Variants in RFPL1 observed in about 807,000 individuals in gnomAD.
The protein encoded by RFPL1 is ret finger protein like 1.
RFPL1 carries 6 observed loss-of-function variants against 9.6 expected under a neutral mutation model. That is an observed-to-expected ratio of 0.62 (90% confidence interval 0.34 to 1.23). The LOEUF (loss-of-function observed/expected upper bound fraction) is 1.23. RFPL1 is among the 50% of genes most tolerant of loss of function. RFPL1 has a pLI of 0.03. For synonymous variants in RFPL1, 145 were observed against 149.4 expected (o/e 0.97, Z 0.22); for missense variants, 352 against 398.4 (o/e 0.88, Z 0.99).
chr22:29,410,582 T>G, the RFPL1 span, among the ~76,000 whole-genome samples: 1 of 134,192 alleles, frequency 7.5e-6, no homozygotes, highest in Non-Finnish European at 1.6e-5. Flanking sequence ...TGTAGATATA[T>G]CTATCTATAT....
chr22:29,406,705 A>C, the RFPL1 span, among the ~76,000 whole-genome samples: 1 of 152,232 alleles, frequency 6.6e-6, no homozygotes. Context: ...ATAAGTTTTT[A>C]CTAATTTCTC....
the RFPL1 span, among the ~76,000 whole-genome samples, chr22:29,411,869 T>C: frequency 6.6e-6 from 1 of 152,112 alleles, no homozygotes; most frequent in Non-Finnish European, 1.5e-5. Context: ...TGAGGCTATT[T>C]TCTTATGTTT....
At chr22:29,397,690 C>T in the RFPL1 span, among the ~76,000 whole-genome samples, 2 of 152,174 alleles carry the variant, frequency 1.3e-5, no homozygotes, top group Admixed American at 6.5e-5. Context: ...TGTTAACCCC[C>T]ATTCTCCTAT....
chr22:29,392,840 TGAGA>T, the RFPL1 span, among the ~76,000 whole-genome samples: 1 of 152,210 alleles, frequency 6.6e-6, no homozygotes, highest in African/African-American at 2.4e-5. Flanking sequence ...ACTTCAACCC[TGAGA>T]ACTTAAATAG....
the RFPL1 span, among the ~76,000 whole-genome samples, chr22:29,422,327 C>T: frequency 6.6e-6 from 1 of 152,146 alleles, no homozygotes; most frequent in African/African-American, 2.4e-5. Flanking sequence ...ACCTGTAATC[C>T]TAGCACTTTG....
chr22:29,419,706 G>A, the RFPL1 span, among the ~76,000 whole-genome samples: 1 of 151,718 alleles, frequency 6.6e-6, no homozygotes, highest in Non-Finnish European at 1.5e-5. Context: ...GGGAGGCTGA[G>A]GCTGGAGGAT....
At chr22:29,390,078 G>A in the RFPL1 span, among the ~76,000 whole-genome samples, 1 of 152,198 alleles carries the variant, frequency 6.6e-6, no homozygotes, top group South Asian at 2.1e-4. Context: ...GGGATTATAG[G>A]CGTGAGCCAC....
the RFPL1 span, among the ~76,000 whole-genome samples, chr22:29,426,680 G>A: frequency 2.6e-5 from 4 of 152,316 alleles, no homozygotes; most frequent in East Asian, 1.9e-4. Flanking sequence ...ACCCGGAGGC[G>A]GAGATTGCGG....
chr22:29,397,832 C>T, the RFPL1 span, among the ~76,000 whole-genome samples: 1 of 152,150 alleles, frequency 6.6e-6, no homozygotes, highest in African/African-American at 2.4e-5. Context: ...TGGGGCTGAG[C>T]TGGACTTCAT....
Position 29,442,015 on chromosome 22 carries a change from T to C in RFPL1, c.847T>C (p.Phe283Leu), listed in dbSNP as rs1206455885. 3.1e-6 allele frequency: 5 copies of C among 1,614,128 alleles called. No individual in the cohort carries two copies. Among genetic ancestry groups the C allele is most frequent in the Admixed American group, 3.3e-5 (2 of 60,016 alleles). ...TGCTGAGGAGCCACTGCACTTGTTT[T>C]TTGCTCCTCCAAGTCCACCTAATGG... Residue 283 changes from phenylalanine to leucine, a missense_variant, in exon 2 of 2, where the codon TTT becomes CTT. Physicochemically the swap from Phe to Leu is conservative, Grantham distance 22. Transcript: ENST00000354373.
chr22:29,433,946 A>C (rs746596091), upstream of RFPL1, among the ~76,000 whole-genome samples: 2 of 152,154 alleles, frequency 1.3e-5, no homozygotes, highest in Non-Finnish European at 1.5e-5. Flanking sequence ...TATAAAATGC[A>C]AATTCTCCTT....
exon 1 of RFPL1, chr22:29,438,713 G>A: frequency 1.3e-6 from 2 of 1,560,176 alleles, no homozygotes; most frequent in Non-Finnish European, 1.7e-6. Context: ...GAAGACGGGG[G>A]GTGGGGGGAT....
the RFPL1 span, among the ~76,000 whole-genome samples, chr22:29,414,959 T>C: frequency 6.6e-6 from 1 of 152,090 alleles, no homozygotes. Context: ...CATCCGTGGG[T>C]TAGTGGGTTC....
chr22:29,407,730 G>T, the RFPL1 span, among the ~76,000 whole-genome samples: 9 of 151,986 alleles, frequency 5.9e-5, no homozygotes, highest in African/African-American at 2.2e-4. Context: ...ACTATTTTTT[G>T]ATTTGACTCT....
chr22:29,398,448 C>T, the RFPL1 span, among the ~76,000 whole-genome samples: 7 of 152,216 alleles, frequency 4.6e-5, no homozygotes, highest in Admixed American at 2.6e-4. Flanking sequence ...CCCCACGGGG[C>T]AGGCACAGTT....
At chr22:29,387,981 T>C in the RFPL1 span, among the ~76,000 whole-genome samples, 1 of 152,226 alleles carries the variant, frequency 6.6e-6, no homozygotes, top group East Asian at 1.9e-4. Flanking sequence ...AGCCAGTGCC[T>C]AGCCGGAGGC....
At chr22:29,390,197 G>T in the RFPL1 span, among the ~76,000 whole-genome samples, 1 of 152,252 alleles carries the variant, frequency 6.6e-6, no homozygotes, top group African/African-American at 2.4e-5. Context: ...TTACGTGGAT[G>T]GTACTGCTAA....
the RFPL1 span, among the ~76,000 whole-genome samples, chr22:29,391,631 C>T: frequency 1.3e-5 from 2 of 152,130 alleles, no homozygotes; most frequent in Non-Finnish European, 2.9e-5. Context: ...GGTCACAGCA[C>T]CGGGCGGCTC....
At chr22:29,412,146 A>G in the RFPL1 span, among the ~76,000 whole-genome samples, 1 of 152,158 alleles carries the variant, frequency 6.6e-6, no homozygotes, top group Non-Finnish European at 1.5e-5. Context: ...TCAGGTCCCC[A>G]CTTTTCTGAC....
Sources: gnomAD v4.1 joint callset for allele counts (sites outside exome capture counted in the v4.1 genomes callset) on GRCh38, gnomAD v4.1.1 for gene constraint, MANE v1.5 for transcripts, NCBI Gene and HGNC (gene_info 2026-07-23, HGNC 2026-07-21) for gene names.